The following PRR5L variants were observed in gnomAD, a reference collection of about 807,000 sequenced individuals.
PRR5L encodes the protein proline rich 5 like.
A neutral mutation model predicts 36.4 loss-of-function variants in PRR5L; 21 were observed. The observed-to-expected ratio is 0.58, with a 90% CI of 0.41 to 0.83. The LOEUF is 0.83. PRR5L is among the 40% of genes least tolerant of loss of function. The probability of loss-of-function intolerance (pLI) is 0.00; values close to 1 mark genes in which losing one functional copy is unlikely to be tolerated. For synonymous variants in PRR5L, 188 were observed against 197.0 expected, an observed-to-expected ratio of 0.95 and a Z score of 0.38; for missense variants, 381 against 473.3, an observed-to-expected ratio of 0.80 and a Z score of 1.81.
chr11:36,426,623 C>T (rs910306515), intron 4 of PRR5L, among the ~76,000 whole-genome samples: 1 of 152,224 alleles, frequency 6.6e-6, no homozygotes, highest in Non-Finnish European at 1.5e-5. Flanking sequence ...TCTGGTCTCA[C>T]ACTTGCTAGT....
chr11:36,376,193 C>T (rs916092856), intron 1 of PRR5L: 1 of 1,301,822 alleles, frequency 7.7e-7, no homozygotes, highest in Admixed American at 2.3e-5. Context: ...CTCTCCCCAG[C>T]AGGGTGAGAG....
chr11:36,425,689 T>G (rs996151926), intron 4 of PRR5L: 1 of 152,190 alleles, frequency 6.6e-6, no homozygotes, highest in Non-Finnish European at 1.5e-5. Flanking sequence ...CATTGGCTTA[T>G]TAGGAACTCT....
chr11:36,297,927 C>G (rs752624727), intron 1 of PRR5L, among the ~76,000 whole-genome samples: 1 of 152,198 alleles, frequency 6.6e-6, no homozygotes, highest in Non-Finnish European at 1.5e-5. Context: ...AGGAAAGGAG[C>G]TGGAAGTCCG....
intron 1 of PRR5L, among the ~76,000 whole-genome samples, chr11:36,363,823 A>G (rs571078378): frequency 4.2e-4 from 64 of 152,254 alleles, no homozygotes; most frequent in Non-Finnish European, 7.6e-4. Flanking sequence ...TCGGCTGTTA[A>G]TTTCCAGTAG....
Position 36,451,243 on chromosome 11 carries a change from A to C in PRR5L, c.620A>C (p.Tyr207Ser). 1 of 1,614,140 alleles carries C rather than the reference A, an allele frequency of 6.2e-7. No homozygotes were observed. Among genetic ancestry groups the C allele is most frequent in the Non-Finnish European group, 8.5e-7 (1 of 1,180,006 alleles). ...GAGCCCACAGGCCCAAGTGAGAGTT[A>C]TTTGCAACTGGAGGAGCTGGTGAAG... ...VHEPTGPSESYLQLEELVKQV... is the reference protein window; with the variant it reads ...VHEPTGPSESSLQLEELVKQV... Residue 207 changes from tyrosine (Y) to serine (S), a missense_variant, in exon 8 of 9, where the codon TAT becomes TCT. By Grantham distance (144) the Tyr-to-Ser change is moderately radical. Transcript: ENST00000530639.
At chr11:36,417,932 A>G (rs1345048062) in intron 3 of PRR5L, among the ~76,000 whole-genome samples, 1 of 152,244 alleles carries the variant, frequency 6.6e-6, no homozygotes, top group Non-Finnish European at 1.5e-5. Flanking sequence ...GGAGCCAGTT[A>G]TTCTTGCTTT....
Position 36,298,699 on chromosome 11 carries a change from C to T in PRR5L, c.-126+2261C>T, listed in dbSNP as rs114436688. ...CACAGACCAGTACTGGTCCATGGCC[C>T]GGGAGTTGGGGGCCCCGGGCTTAAA... On this transcript the variant is annotated intron_variant, in intron 1 of 8. Coordinates refer to ENST00000530639, the MANE Select transcript of PRR5L (RefSeq NM_001160167.2). Among the ~76,000 whole-genome samples, 797 of 152,306 alleles carry T rather than the reference C, an allele frequency of 5.2e-3. 9 individuals are homozygous for T. Among genetic ancestry groups the T allele is most frequent in the African/African-American group, 0.018 (747 of 41,558 alleles).
At chr11:36,347,700 G>A (rs767850336) in intron 1 of PRR5L, among the ~76,000 whole-genome samples, 1 of 151,872 alleles carries the variant, frequency 6.6e-6, no homozygotes, top group Non-Finnish European at 1.5e-5. Flanking sequence ...TCCAGGCTGT[G>A]CCCTGAACCA....
Position 36,428,464 on chromosome 11 carries a change from A to C in PRR5L, c.295-3389A>C, listed in dbSNP as rs867051918. On this transcript the variant is annotated intron_variant, in intron 4 of 8. Transcript: ENST00000530639. ...TTTGGGGTTCAGTTTGAGACCCATT[A>C]GCAAAGCTGGAAGATGCAGCTGTGG... 2.0e-4 allele frequency among the ~76,000 whole-genome samples: 30 copies of C among 152,316 alleles called. 1 individual carries two copies. The highest frequency in any genetic ancestry group is 7.2e-4 in the African/African-American group (30 of 41,584).
intron 1 of PRR5L, among the ~76,000 whole-genome samples, chr11:36,342,052 A>G (rs1257718123): frequency 6.6e-6 from 1 of 152,198 alleles, no homozygotes; most frequent in African/African-American, 2.4e-5. Flanking sequence ...TCAGCAAAGT[A>G]GCCATTGTTT....
At chr11:36,446,720 C>G (rs1224814582) in intron 7 of PRR5L, among the ~76,000 whole-genome samples, 1 of 152,146 alleles carries the variant, frequency 6.6e-6, no homozygotes. Context: ...CCCTTTTCCC[C>G]TCTCCAGTGA....
intron 1 of PRR5L, among the ~76,000 whole-genome samples, chr11:36,360,387 G>C (rs1179507032): frequency 6.6e-6 from 1 of 152,182 alleles, no homozygotes; most frequent in Non-Finnish European, 1.5e-5. Flanking sequence ...CAAATGCTTA[G>C]AGTGCCTACT....
At chr11:36,376,700 A>G (rs1857268448) in intron 1 of PRR5L, 3 of 989,020 alleles carry the variant, frequency 3.0e-6, no homozygotes, top group Non-Finnish European at 3.6e-6. Flanking sequence ...GGGGACCCCA[A>G]GGAGGTGAGT....
At chr11:36,390,354 A>G (rs1446628305) in intron 1 of PRR5L, among the ~76,000 whole-genome samples, 3 of 152,230 alleles carry the variant, frequency 2.0e-5, no homozygotes, top group East Asian at 3.8e-4. Context: ...AGGCAGGCCA[A>G]TGAGCAGACT....
At chr11:36,386,622 G>C (rs992602222) in intron 1 of PRR5L, 1 of 152,326 alleles carries the variant, frequency 6.6e-6, no homozygotes, top group Admixed American at 6.5e-5. Flanking sequence ...TCTCGGCTCT[G>C]TGTGTGGCAC....
intron 1 of PRR5L, among the ~76,000 whole-genome samples, chr11:36,343,378 C>T (rs72950042): frequency 0.023 from 3,531 of 152,302 alleles, 78 homozygotes; most frequent in East Asian, 0.098. Context: ...TAAGTTCCTC[C>T]ATCTAGCTAC....
intron 1 of PRR5L, among the ~76,000 whole-genome samples, chr11:36,361,119 A>T (rs1442292855): frequency 6.6e-6 from 1 of 152,234 alleles, no homozygotes; most frequent in Admixed American, 6.5e-5. Context: ...CCATGAGCTC[A>T]AAACTATTTT....
intron 1 of PRR5L, among the ~76,000 whole-genome samples, chr11:36,369,798 T>A (rs1180362219): frequency 6.6e-6 from 1 of 152,170 alleles, no homozygotes; most frequent in Admixed American, 6.5e-5. Context: ...GGTTTCACCA[T>A]GTTGGCCAGG....
At chr11:36,390,912 A>C (rs909865299) in intron 1 of PRR5L, among the ~76,000 whole-genome samples, 3 of 152,188 alleles carry the variant, frequency 2.0e-5, no homozygotes, top group African/African-American at 4.8e-5. Flanking sequence ...TAGAGAATGG[A>C]TCAGTTGAGT....
Sources: allele counts gnomAD v4.1 joint callset (sites outside exome capture counted in the v4.1 genomes callset), GRCh38; gene constraint gnomAD v4.1.1; transcripts MANE v1.5; gene names NCBI Gene and HGNC (gene_info 2026-07-23, HGNC 2026-07-21).